PPM1H: variants seen among roughly 807,000 people sequenced by gnomAD.
PPM1H encodes the protein protein phosphatase, Mg2+/Mn2+ dependent 1H.
A neutral mutation model predicts 54.9 loss-of-function variants in PPM1H; 27 were observed. The ratio of observed to expected loss-of-function variants is 0.49; its 90% confidence interval spans 0.36 to 0.68. The LOEUF (loss-of-function observed/expected upper bound fraction) is 0.68, where lower values mean the gene tolerates loss of function less well. PPM1H is among the 30% of genes least tolerant of loss of function. The probability of loss-of-function intolerance (pLI) is 0.00; values close to 1 mark genes in which losing one functional copy is unlikely to be tolerated. For synonymous variants in PPM1H, 305 were observed against 270.8 expected, an observed-to-expected ratio of 1.13 and a Z score of -1.24; for missense variants, 596 against 667.8, an observed-to-expected ratio of 0.89 and a Z score of 1.19.
intron 8 of PPM1H, among the ~76,000 whole-genome samples, chr12:62,683,822 G>A (rs2076036633): frequency 6.6e-6 from 1 of 152,170 alleles, no homozygotes; most frequent in South Asian, 2.1e-4. Context: ...AAAGAAGGGT[G>A]AAATTAAGAA....
intron 9 of PPM1H, among the ~76,000 whole-genome samples, chr12:62,663,739 C>A (rs760489687): frequency 1.3e-5 from 2 of 152,182 alleles, no homozygotes; most frequent in Non-Finnish European, 2.9e-5. Flanking sequence ...TGCCTGTAAT[C>A]CCAGCACTTT....
At chr12:62,859,211 G>A (rs1407710682) in intron 1 of PPM1H, among the ~76,000 whole-genome samples, 3 of 152,150 alleles carry the variant, frequency 2.0e-5, no homozygotes, top group South Asian at 2.1e-4. Flanking sequence ...GGAAGCATGC[G>A]ATCTTCAATT....
At position 62,647,189 on chromosome 12, in the gene PPM1H, A is replaced by G. The variant is rs2075790714; in HGVS notation, c.*1300T>C. 1 of 152,286 alleles carries G rather than the reference A, an allele frequency of 6.6e-6. No individual in the cohort carries two copies. The highest frequency in any genetic ancestry group is 6.5e-5 in the Admixed American group (1 of 15,280). The allele number at this position is 152,286 out of a possible 1,614,324, so 9.4% of individuals were successfully genotyped here. On this transcript the variant is annotated 3_prime_UTR_variant, in exon 10 of 10. Coordinates refer to ENST00000228705, the MANE Select transcript of PPM1H (RefSeq NM_020700.2). The stretch of plus-strand genomic sequence containing the variant: ...GCCTGCTGCTGCTGCTCTTGTGGCG[A>G]ACACTCAGATGTGGAACCATAGAGG...
chr12:62,727,824 C>A (rs1035536065), intron 5 of PPM1H, among the ~76,000 whole-genome samples: 5 of 151,798 alleles, frequency 3.3e-5, no homozygotes, highest in Admixed American at 6.6e-5. Flanking sequence ...CCATGCCCGG[C>A]TAATTTTGGT....
At chr12:62,780,595 C>G (rs1041837179) in intron 4 of PPM1H, among the ~76,000 whole-genome samples, 66 of 152,318 alleles carry the variant, frequency 4.3e-4, no homozygotes, top group African/African-American at 1.5e-3. Flanking sequence ...CATGAGCCAC[C>G]GTAACTGACT....
chr12:62,704,327 C>T (rs939989329), intron 6 of PPM1H, among the ~76,000 whole-genome samples: 50 of 152,130 alleles, frequency 3.3e-4, no homozygotes, highest in African/African-American at 1.1e-3. Flanking sequence ...CCCAACATCT[C>T]GCCCCAGGCT....
intron 3 of PPM1H, among the ~76,000 whole-genome samples, chr12:62,794,424 G>A (rs2076720092): frequency 6.6e-6 from 1 of 152,048 alleles, no homozygotes; most frequent in African/African-American, 2.4e-5. Context: ...TATCAACAAA[G>A]TCTAGCTGCT....
chr12:62,887,931 C>G lies in PPM1H; in HGVS notation c.245+46561G>C, dbSNP rs190683042. ...AGAAATGAAGCCAGGGTGACTGGAG[C>G]TGGGTGGCAATGCTCCTCAAGGTGG... is the stretch of plus-strand genomic sequence containing the variant. On this transcript the variant is annotated intron_variant, in intron 1 of 9. Transcript: ENST00000228705. 4.6e-5 allele frequency among the ~76,000 whole-genome samples: 7 copies of G among 152,250 alleles called. No homozygotes were observed. The East Asian group carries it at 7.7e-4, about 17-fold the overall frequency.
chr12:62,857,057 G>A (rs1228890845), intron 1 of PPM1H, among the ~76,000 whole-genome samples: 1 of 152,200 alleles, frequency 6.6e-6, no homozygotes, highest in African/African-American at 2.4e-5. Context: ...ACTCAAAGGT[G>A]TGAAAGGATC....
At chr12:62,839,884 A>AAAAAAAC (rs1555200473) in intron 1 of PPM1H, among the ~76,000 whole-genome samples, 1 of 150,168 alleles carries the variant, frequency 6.7e-6, no homozygotes, top group African/African-American at 2.5e-5. Flanking sequence ...CAAAAAAAAA[A>AAAAAAAC]AAAAAACACC....
At chr12:62,840,085 G>A (rs1426189576) in intron 1 of PPM1H, 1 of 123,694 alleles carries the variant, frequency 8.1e-6, no homozygotes, top group Non-Finnish European at 1.6e-5. Flanking sequence ...GAGAGAGAGA[G>A]CGAGAGAAAT....
At chr12:62,904,928 C>A (rs1210370398) in intron 1 of PPM1H, among the ~76,000 whole-genome samples, 1 of 152,064 alleles carries the variant, frequency 6.6e-6, no homozygotes, top group Non-Finnish European at 1.5e-5. Context: ...AGCCTAACAG[C>A]CACAGCAGCC....
chr12:62,893,681 T>A (rs1466841577), intron 1 of PPM1H, among the ~76,000 whole-genome samples: 1 of 151,870 alleles, frequency 6.6e-6, no homozygotes, highest in African/African-American at 2.4e-5. Flanking sequence ...AAAGACAAGG[T>A]TTACCATGTT....
chr12:62,699,828 T>C (rs1455217647), intron 6 of PPM1H, among the ~76,000 whole-genome samples: 1 of 152,180 alleles, frequency 6.6e-6, no homozygotes, highest in Non-Finnish European at 1.5e-5. Flanking sequence ...ATGCATACAG[T>C]ATTCACCCAA....
At chr12:62,867,453 A>G (rs998831051) in intron 1 of PPM1H, among the ~76,000 whole-genome samples, 2 of 151,454 alleles carry the variant, frequency 1.3e-5, no homozygotes, top group Non-Finnish European at 2.9e-5. Context: ...CCATAGACCC[A>G]TATTAGTGCT....
intron 1 of PPM1H, among the ~76,000 whole-genome samples, chr12:62,882,056 C>T (rs1206504012): frequency 6.6e-6 from 1 of 152,102 alleles, no homozygotes; most frequent in Non-Finnish European, 1.5e-5. Context: ...TTCTCAAAAA[C>T]AAAGTAAGTC....
chr12:62,927,105 G>C (rs867588677), intron 1 of PPM1H, among the ~76,000 whole-genome samples: 3 of 152,084 alleles, frequency 2.0e-5, no homozygotes, highest in Admixed American at 6.5e-5. Flanking sequence ...AAATATTAAA[G>C]GCTTAATACT....
At chr12:62,676,156 C>A (rs747804893) in intron 8 of PPM1H, among the ~76,000 whole-genome samples, 1 of 152,222 alleles carries the variant, frequency 6.6e-6, no homozygotes, top group East Asian at 1.9e-4. Flanking sequence ...CTGGAACTGA[C>A]AGCCTGGCTT....
Position 62,648,772 on chromosome 12 carries a change from A to C in PPM1H, c.1398-136T>G, listed in dbSNP as rs2075800295. 4.0e-6 allele frequency: 4 copies of C among 1,008,298 alleles called. No homozygotes were observed. The African/African-American group carries it at 6.5e-5, about 16-fold the overall frequency. 62.5% of individuals were successfully genotyped at this position (1,008,298 alleles called of 1,614,324 possible). ...AATACACTTACAATACGAAAAAGAC[A>C]AGGTCATCTTTTCCCAAAATGTAGG... On this transcript the variant is annotated intron_variant, in intron 9 of 9. Coordinates refer to ENST00000228705, the MANE Select transcript of PPM1H (RefSeq NM_020700.2).
Sources: allele counts gnomAD v4.1 joint callset (sites outside exome capture counted in the v4.1 genomes callset), GRCh38; gene constraint gnomAD v4.1.1; transcripts MANE v1.5; gene names NCBI Gene and HGNC (gene_info 2026-07-23, HGNC 2026-07-21).